Variants in FAM76B observed in about 807,000 individuals in gnomAD.
The protein encoded by FAM76B is family with sequence similarity 76 member B, also known as protein FAM76B.
FAM76B carries 16 observed loss-of-function variants against 51.8 expected under a neutral mutation model. The observed-to-expected ratio is 0.31, with a 90% CI of 0.21 to 0.47. The LOEUF is 0.47. FAM76B is among the 20% of genes least tolerant of loss of function. The pLI is 1.00. For synonymous variants in FAM76B, 166 were observed against 129.5 expected, an observed-to-expected ratio of 1.28 and a Z score of -1.91; for missense variants, 342 against 392.6, an observed-to-expected ratio of 0.87 and a Z score of 1.09.
intron 4 of FAM76B, among the ~76,000 whole-genome samples, chr11:95,784,436 A>G (rs1181287205): frequency 6.6e-6 from 1 of 152,072 alleles, no homozygotes; most frequent in Non-Finnish European, 1.5e-5. Flanking sequence ...CCTGAACTTA[A>G]AAAAAGGAAA....
At chr11:95,785,579 A>C (rs1247486327) in intron 4 of FAM76B, among the ~76,000 whole-genome samples, 1 of 152,216 alleles carries the variant, frequency 6.6e-6, no homozygotes, top group Admixed American at 6.5e-5. Flanking sequence ...GAAGCCCCTC[A>C]AAGAGGTAGT....
chr11:95,782,661 G>T lies in FAM76B; in HGVS notation c.563+404C>A, dbSNP rs1860338091. On this transcript the variant is annotated intron_variant, in intron 5 of 9. Coordinates refer to ENST00000358780, the MANE Select transcript of FAM76B (RefSeq NM_144664.5). Reference sequence around the variant, plus strand: ...TATTAAAATATGTTCTCCAAACCCAGTCATTGGTTTGTTTCGATTTGTTTT... The same window carrying T: ...TATTAAAATATGTTCTCCAAACCCATTCATTGGTTTGTTTCGATTTGTTTT... Among the ~76,000 whole-genome samples the T allele has an allele frequency of 2.0e-5, 3 of 152,140 alleles. No homozygotes were observed. In the Middle Eastern group the frequency reaches 0.01, roughly 517 times the overall value.
In FAM76B at chr11:95,769,708, A is replaced by C. The variant is rs1859685799; in HGVS notation, c.*1853T>G. 1 of 151,678 alleles carries C rather than the reference A, an allele frequency of 6.6e-6. No individual in the cohort carries two copies. Among genetic ancestry groups the C allele is most frequent in the African/African-American group, 2.4e-5 (1 of 41,388 alleles). 9.4% of individuals were successfully genotyped at this position (151,678 alleles called of 1,614,324 possible). On this transcript the variant is annotated 3_prime_UTR_variant, in exon 10 of 10. Coordinates refer to ENST00000358780, the MANE Select transcript of FAM76B (RefSeq NM_144664.5). ...GTAATAACTATCTTATGAATTTAGC[A>C]AATCCTGCAAACGTTAAAATCCATG...
At chr11:95,782,677 G>T (rs991018882) in intron 5 of FAM76B, among the ~76,000 whole-genome samples, 1 of 151,878 alleles carries the variant, frequency 6.6e-6, no homozygotes, top group Admixed American at 6.6e-5. Flanking sequence ...GGTTTGTTTC[G>T]ATTTGTTTTT....
rs545444010 is a variant in FAM76B, at chr11:95,789,612, C to A, written c.-134G>T. 261 of 687,254 alleles carry A rather than the reference C, an allele frequency of 3.8e-4. 1 individual carries two copies. Among genetic ancestry groups the A allele is most frequent in the South Asian group, 2.5e-4 (12 of 47,890 alleles). The allele number at this position is 687,254 out of a possible 1,614,324, so 42.6% of individuals were successfully genotyped here. ...CCCTGCCTCGCGCCCACCAGGGCCTCGCCGCGAGAGCCCAGGGCCCCGCGG... is the reference window on the plus strand; with the variant it reads ...CCCTGCCTCGCGCCCACCAGGGCCTAGCCGCGAGAGCCCAGGGCCCCGCGG... On this transcript the variant is annotated 5_prime_UTR_variant, in exon 1 of 10. Transcript: ENST00000358780.
At chr11:95,782,050 CAAT>C (rs1032805217) in intron 5 of FAM76B, among the ~76,000 whole-genome samples, 5 of 152,088 alleles carry the variant, frequency 3.3e-5, no homozygotes, top group African/African-American at 1.2e-4. Context: ...TAAGAACAAA[CAAT>C]AAATTATTCT....
At position 95,769,717 on chromosome 11, in the gene FAM76B, A is replaced by G. The variant is rs1180228821; in HGVS notation, c.*1844T>C. On this transcript the variant is annotated 3_prime_UTR_variant, in exon 10 of 10. Transcript: ENST00000358780. Reference sequence around the variant, plus strand: ...ATCTTATGAATTTAGCAAATCCTGCAAACGTTAAAATCCATGTTAAGGCAT... The same window carrying G: ...ATCTTATGAATTTAGCAAATCCTGCGAACGTTAAAATCCATGTTAAGGCAT... 2 of 151,684 alleles carry G rather than the reference A, an allele frequency of 1.3e-5. No homozygotes were observed. Among genetic ancestry groups the G allele is most frequent in the African/African-American group, 2.4e-5 (1 of 41,386 alleles). 9.4% of individuals were successfully genotyped at this position (151,684 alleles called of 1,614,324 possible).
intron 3 of FAM76B, 36 bp from the exon 4 acceptor site, chr11:95,786,310 A>G (rs773497868): frequency 1.2e-6 from 2 of 1,610,016 alleles, no homozygotes; most frequent in East Asian, 4.5e-5. Flanking sequence ...TTTTAAAAAC[A>G]TTAAATATTT....
chr11:95,789,246 A>C, intron 1 of FAM76B, 146 bp downstream of exon 1: 1 of 979,304 alleles, frequency 1.0e-6, no homozygotes, highest in South Asian at 1.6e-5. Context: ...CCCCAGAAAA[A>C]GGGGTCCCCG....
intron 4 of FAM76B, 135 bp from the exon 5 acceptor site, chr11:95,783,399 G>T (rs1860382819): frequency 4.7e-6 from 3 of 639,424 alleles, no homozygotes; most frequent in Non-Finnish European, 7.8e-6. Context: ...CATATTCACG[G>T]ATTTTCTGCA....
intron 8 of FAM76B, 68 bp from the exon 9 acceptor site, chr11:95,776,091 C>G (rs1396301917): frequency 1.2e-6 from 1 of 823,914 alleles, no homozygotes; most frequent in African/African-American, 1.8e-5. Flanking sequence ...TTTTAAATAA[C>G]TTTCACAATA....
intron 1 of FAM76B, chr11:95,788,956 G>C: frequency 7.4e-7 from 1 of 1,348,398 alleles, no homozygotes; most frequent in Non-Finnish European, 9.7e-7. Flanking sequence ...TCCTGGACAG[G>C]GAAGAAGGAT....
In FAM76B at chr11:95,787,431, G is replaced by T. The variant is rs546776490; in HGVS notation, c.207+193C>A. ...TTTTTGTTGTATTTTTAGTAGACAT[G>T]GGGTTTCACCGTGTTAGCCAGGATG... On this transcript the variant is annotated intron_variant, in intron 3 of 9. Coordinates refer to ENST00000358780, the MANE Select transcript of FAM76B (RefSeq NM_144664.5). 5.9e-5 allele frequency among the ~76,000 whole-genome samples: 9 copies of T among 152,084 alleles called. No homozygotes were observed. The East Asian group carries it at 1.7e-3, about 29-fold the overall frequency.
Position 95,789,765 on chromosome 11 carries a change from C to G in FAM76B, c.-287G>C, listed in dbSNP as rs141730547. 719 of 387,372 alleles carry G rather than the reference C, an allele frequency of 1.9e-3. No individual in the cohort carries two copies. Among genetic ancestry groups the G allele is most frequent in the Non-Finnish European group, 2.9e-3 (639 of 217,662 alleles). The allele number at this position is 387,372 out of a possible 1,614,324, so 24.0% of individuals were successfully genotyped here. A position where few individuals can be genotyped will look rare whatever the true frequency, so the allele number is the denominator to read the frequency against. On this transcript the variant is annotated 5_prime_UTR_variant, in exon 1 of 10. Transcript: ENST00000358780. ...AAGCGGGTAGGGGGTTGCTGTTTAG[C>G]TGTGCGGCCGTGGATCCGCTTCCTT... is the stretch of plus-strand genomic sequence containing the variant.
chr11:95,787,705 T>G (rs754804464), intron 2 of FAM76B, 27 bp from the exon 3 acceptor site: 1 of 1,553,650 alleles, frequency 6.4e-7, no homozygotes, highest in Admixed American at 1.8e-5. Context: ...ATATAGATCA[T>G]GTTTATGTAG....
chr11:95,789,758 T>C lies in FAM76B; in HGVS notation c.-280A>G, dbSNP rs367633419. On this transcript the variant is annotated 5_prime_UTR_variant, in exon 1 of 10. Transcript: ENST00000358780. The stretch of plus-strand genomic sequence containing the variant: ...GGAGACGAAGCGGGTAGGGGGTTGC[T>C]GTTTAGCTGTGCGGCCGTGGATCCG... 5.0e-6 allele frequency: 2 copies of C among 402,396 alleles called. No homozygotes were observed. Among genetic ancestry groups the C allele is most frequent in the East Asian group, 4.3e-5 (1 of 23,068 alleles). 24.9% of individuals were successfully genotyped at this position (402,396 alleles called of 1,614,324 possible).
At position 95,783,253 on chromosome 11, in the gene FAM76B, C is replaced by T; in HGVS notation, c.375G>A (p.Lys125=). The T allele has an allele frequency of 1.2e-6, 2 of 1,611,976 alleles. No homozygotes were observed. The highest frequency in any genetic ancestry group is 1.7e-6 in the Non-Finnish European group (2 of 1,179,502). The change falls in exon 5 of 10, where the codon AAG becomes AAA. Residue 125 remains lysine (K), a synonymous_variant. Transcript: ENST00000358780. ...ATAAAGTACAGAGCCAGCATAATAA[C>T]TTTCCATCAACCTTTTAAGAAAATG... ...KEEGRRKVDG[K]LLCWLCTLSY...
At chr11:95,788,684 C>G in intron 1 of FAM76B, 121 bp from the exon 2 acceptor site, 2 of 1,225,846 alleles carry the variant, frequency 1.6e-6, no homozygotes, top group East Asian at 5.0e-5. Flanking sequence ...CTGGCCCCAA[C>G]GTAAAGAACT....
intron 9 of FAM76B, among the ~76,000 whole-genome samples, chr11:95,775,306 A>T (rs768238185): frequency 1.3e-5 from 2 of 151,432 alleles, no homozygotes; most frequent in Non-Finnish European, 3.0e-5. Flanking sequence ...CAGACATCAG[A>T]TTATTACTGT....
Sources: gnomAD v4.1 joint callset for allele counts (sites outside exome capture counted in the v4.1 genomes callset) on GRCh38, gnomAD v4.1.1 for gene constraint, MANE v1.5 for transcripts, NCBI Gene and HGNC (gene_info 2026-07-23, HGNC 2026-07-21) for gene names.